Variants in ZBTB16 observed in about 807,000 individuals in gnomAD.
ZBTB16 encodes zinc finger and BTB domain containing 16.
ZBTB16 carries 8 observed loss-of-function variants against 56.8 expected under a neutral mutation model. The ratio of observed to expected loss-of-function variants is 0.14; its 90% CI spans 0.08 to 0.25. The LOEUF (loss-of-function observed/expected upper bound fraction) is 0.25, where lower values mean the gene tolerates loss of function less well. Ranked by LOEUF, ZBTB16 falls within the 10% of genes least tolerant of loss-of-function variation. The probability of loss-of-function intolerance (pLI) is 1.00; values close to 1 mark genes in which losing one functional copy is unlikely to be tolerated. For synonymous variants in ZBTB16, 363 were observed against 368.5 expected (o/e 0.98, Z 0.17); for missense variants, 625 against 903.0 (o/e 0.69, Z 3.95).
intron 2 of ZBTB16, among the ~76,000 whole-genome samples, chr11:114,103,043 T>C (rs1299938401): frequency 6.6e-6 from 1 of 152,266 alleles, no homozygotes; most frequent in Non-Finnish European, 1.5e-5. Context: ...CAAACATTAC[T>C]GTATCAGTGA....
chr11:114,175,778 T>C (rs1307454484), intron 3 of ZBTB16, among the ~76,000 whole-genome samples: 1 of 152,070 alleles, frequency 6.6e-6, no homozygotes, highest in Admixed American at 6.5e-5. Context: ...TGCTGCCTCC[T>C]ATTCCCTTTA....
At chr11:114,067,404 T>TTTGTG (rs914762634) in intron 2 of ZBTB16, among the ~76,000 whole-genome samples, 1 of 151,886 alleles carries the variant, frequency 6.6e-6, no homozygotes, top group Non-Finnish European at 1.5e-5. Flanking sequence ...AGAATGTGCT[T>TTTGTG]TTGTTGTTGT....
intron 4 of ZBTB16, among the ~76,000 whole-genome samples, chr11:114,232,118 A>C (rs1591801347): frequency 6.6e-6 from 1 of 151,634 alleles, no homozygotes; most frequent in African/African-American, 2.4e-5. Context: ...ATGTTCCCCC[A>C]CCCGCTTTGG....
At chr11:114,249,534 G>C (rs1944878760) in intron 6 of ZBTB16, among the ~76,000 whole-genome samples, 1 of 144,856 alleles carries the variant, frequency 6.9e-6, no homozygotes, top group African/African-American at 2.6e-5. Flanking sequence ...GGGAGGCCGA[G>C]GCGGGTGGAT....
intron 3 of ZBTB16, among the ~76,000 whole-genome samples, chr11:114,163,403 T>C (rs1307240182): frequency 1.3e-5 from 2 of 152,052 alleles, no homozygotes; most frequent in Non-Finnish European, 2.9e-5. Flanking sequence ...TTTTGTTGTG[T>C]GGGTTGTTTT....
chr11:114,146,878 G>A (rs969117430), intron 2 of ZBTB16, among the ~76,000 whole-genome samples: 5 of 150,918 alleles, frequency 3.3e-5, no homozygotes, highest in Non-Finnish European at 5.9e-5. Flanking sequence ...CAAAACCTGG[G>A]TTGACTAGAT....
chr11:114,071,866 A>G (rs535617014), intron 2 of ZBTB16, among the ~76,000 whole-genome samples: 12 of 152,318 alleles, frequency 7.9e-5, no homozygotes, highest in Admixed American at 7.2e-4. Flanking sequence ...GAGCACTTTG[A>G]CTGTCCAGGT....
At position 114,107,363 on chromosome 11, in the gene ZBTB16, C is replaced by G. The variant is rs59116365; in HGVS notation, c.1268+42795C>G. Among the ~76,000 whole-genome samples, 967 of 152,296 alleles carry G rather than the reference C, an allele frequency of 6.3e-3. 8 individuals carry two copies. Among genetic ancestry groups the G allele is most frequent in the African/African-American group, 0.021 (854 of 41,550 alleles). On this transcript the variant is annotated intron_variant, in intron 2 of 6. Coordinates refer to ENST00000335953, the MANE Select transcript of ZBTB16 (RefSeq NM_006006.6). ...TAAAACACTTCGCATTTAGATCTAA[C>G]TTCACTCCCTCAAGTCTCAGATTAA...
rs1454955257 is a variant in ZBTB16, at chr11:114,082,114, TA to T, written c.1268+17547del. 3.8e-5 allele frequency among the ~76,000 whole-genome samples: 5 copies of T among 130,152 alleles called. No homozygotes were observed. In the East Asian group the frequency reaches 6.5e-4, roughly 17 times the overall value. 85.4% of individuals were successfully genotyped at this position (130,152 alleles called of 152,430 possible). A position where few individuals can be genotyped will look rare whatever the true frequency, so the allele number is the denominator to read the frequency against. On this transcript the variant is annotated intron_variant, in intron 2 of 6. Transcript: ENST00000335953. The stretch of plus-strand genomic sequence containing the variant: ...TTGGGCAATATAGCGAGACGATCTT[TA>T]CAAAAAAAAAAAAAAAATTAAAAAT...
intron 2 of ZBTB16, among the ~76,000 whole-genome samples, chr11:114,100,522 A>T (rs1488526811): frequency 6.6e-6 from 1 of 152,126 alleles, no homozygotes; most frequent in Admixed American, 6.5e-5. Context: ...TATTTCATCT[A>T]ATTTTTGTAG....
intron 4 of ZBTB16, among the ~76,000 whole-genome samples, chr11:114,226,225 A>T (rs1357008263): frequency 2.6e-5 from 4 of 152,316 alleles, no homozygotes; most frequent in African/African-American, 9.6e-5. Context: ...TAACTCTCTA[A>T]TGCTGTTCCC....
At chr11:114,070,154 T>C (rs1162667136) in intron 2 of ZBTB16, among the ~76,000 whole-genome samples, 1 of 133,042 alleles carries the variant, frequency 7.5e-6, no homozygotes, top group African/African-American at 2.8e-5. Flanking sequence ...CAGGTCGGAC[T>C]GCGGACTGCA....
intron 3 of ZBTB16, among the ~76,000 whole-genome samples, chr11:114,176,231 T>C (rs1025379385): frequency 1.3e-5 from 2 of 152,120 alleles, no homozygotes; most frequent in South Asian, 4.1e-4. Flanking sequence ...AGGGGAGACC[T>C]GGGAGGAGGG....
At chr11:114,204,773 C>T (rs747121433) in intron 4 of ZBTB16, among the ~76,000 whole-genome samples, 2 of 152,114 alleles carry the variant, frequency 1.3e-5, no homozygotes, top group African/African-American at 2.4e-5. Context: ...GCTGTTTACT[C>T]GACCATCCCA....
chr11:114,190,985 G>A (rs1268444147), intron 4 of ZBTB16, among the ~76,000 whole-genome samples: 1 of 152,170 alleles, frequency 6.6e-6, no homozygotes, highest in African/African-American at 2.4e-5. Flanking sequence ...CAAAGGGGGT[G>A]CAGGCATGTC....
chr11:114,114,643 A>G (rs1057324646), intron 2 of ZBTB16, among the ~76,000 whole-genome samples: 4 of 151,940 alleles, frequency 2.6e-5, no homozygotes, highest in African/African-American at 7.2e-5. Flanking sequence ...GTTGATTTGC[A>G]TAGAGGTCCT....
intron 4 of ZBTB16, among the ~76,000 whole-genome samples, chr11:114,211,712 TC>T (rs1435748104): frequency 6.6e-6 from 1 of 152,090 alleles, no homozygotes; most frequent in African/African-American, 2.4e-5. Context: ...ATTTTCAGAG[TC>T]CCCGTTTGCG....
rs1332754205 is a variant in ZBTB16, at chr11:114,064,643, C to T, written c.1268+75C>T. On this transcript the variant is annotated intron_variant, in intron 2 of 6. Coordinates refer to ENST00000335953, the MANE Select transcript of ZBTB16 (RefSeq NM_006006.6). The surrounding 1 kb of genome is among the most constrained non-coding windows in gnomAD (Gnocchi z 4.2). ...ACCCCTCCTTCACACCCTGGCTGCTCCCAAGTTAGGGGCCTGGCTCCCCTG... is the reference window on the plus strand; with the variant it reads ...ACCCCTCCTTCACACCCTGGCTGCTTCCAAGTTAGGGGCCTGGCTCCCCTG... 1 of 1,562,380 alleles carries T rather than the reference C, an allele frequency of 6.4e-7. No homozygotes were observed. Among genetic ancestry groups the T allele is most frequent in the Admixed American group, 1.8e-5 (1 of 55,616 alleles).
rs1439795042 is a variant in ZBTB16, at chr11:114,168,979, T to C, written c.1366+12545T>C. Among the ~76,000 whole-genome samples, 3 of 151,786 alleles carry C rather than the reference T, an allele frequency of 2.0e-5. No homozygotes were observed. In the East Asian group the frequency reaches 5.8e-4, roughly 29 times the overall value. On this transcript the variant is annotated intron_variant, in intron 3 of 6. Transcript: ENST00000335953. ...CCTTGTAGGGTTGGGGATAGGAGGGTTCTGGGAGCCTTGCAGGAGGGTCTG... is the reference window on the plus strand; with the variant it reads ...CCTTGTAGGGTTGGGGATAGGAGGGCTCTGGGAGCCTTGCAGGAGGGTCTG...
Sources: allele counts gnomAD v4.1 joint callset (sites outside exome capture counted in the v4.1 genomes callset), GRCh38; gene constraint gnomAD v4.1.1; non-coding constraint Gnocchi (gnomAD v3.1); transcripts MANE v1.5; gene names NCBI Gene and HGNC (gene_info 2026-07-23, HGNC 2026-07-21).